Variants in SCHIP1 observed in about 807,000 individuals in gnomAD.
SCHIP1 encodes the protein schwannomin-interacting protein 1.
SCHIP1 carries 8 observed loss-of-function variants against 29.7 expected under a neutral mutation model. The ratio of observed to expected loss-of-function variants is 0.27; its 90% confidence interval spans 0.16 to 0.49. SCHIP1 has a LOEUF of 0.49. Among genes scored for constraint, SCHIP1 ranks in the 20% least tolerant of loss-of-function variants. The probability of loss-of-function intolerance (pLI) is 0.99; values close to 1 mark genes in which losing one functional copy is unlikely to be tolerated. For missense variants in SCHIP1, 193 were observed against 294.6 expected (o/e 0.66, Z 2.52); for synonymous variants, 76 against 94.9 (o/e 0.80, Z 1.16).
At chr3:159,485,064 G>A in the SCHIP1 span, among the ~76,000 whole-genome samples, 1 of 152,080 alleles carries the variant, frequency 6.6e-6, no homozygotes. Flanking sequence ...TTTTCTCTTG[G>A]CCAAACAGAA....
the SCHIP1 span, among the ~76,000 whole-genome samples, chr3:159,560,308 G>T: frequency 1.3e-5 from 2 of 152,198 alleles, no homozygotes; most frequent in Admixed American, 1.3e-4. Flanking sequence ...GGGAAGCTGA[G>T]TAGGGAGTTA....
the SCHIP1 span, among the ~76,000 whole-genome samples, chr3:159,329,479 C>T: frequency 7.2e-5 from 11 of 152,136 alleles, no homozygotes; most frequent in African/African-American, 2.4e-4. Context: ...CCTCAACCTC[C>T]CTCCTCTCCA....
the SCHIP1 span, among the ~76,000 whole-genome samples, chr3:159,669,969 A>G: frequency 6.6e-6 from 1 of 152,146 alleles, no homozygotes; most frequent in East Asian, 1.9e-4. Flanking sequence ...TGTAAGCAAC[A>G]AGCTTCTTGG....
chr3:159,859,805 T>C (rs1432283409), intron 1 of SCHIP1, among the ~76,000 whole-genome samples: 1 of 152,248 alleles, frequency 6.6e-6, no homozygotes, highest in African/African-American at 2.4e-5. Flanking sequence ...AAAGTGCCTA[T>C]GCTAGCATCA....
the SCHIP1 span, among the ~76,000 whole-genome samples, chr3:159,787,215 T>G: frequency 1.3e-5 from 2 of 152,240 alleles, no homozygotes; most frequent in African/African-American, 4.8e-5. Context: ...TAAAATTGAC[T>G]TCAAAGTAGC....
the SCHIP1 span, among the ~76,000 whole-genome samples, chr3:159,348,746 TTTAGG>T: frequency 6.6e-6 from 1 of 152,168 alleles, no homozygotes; most frequent in African/African-American, 2.4e-5. Context: ...ACATAAACTC[TTTAGG>T]TTATTTTCCA....
At chr3:159,447,514 G>T in the SCHIP1 span, among the ~76,000 whole-genome samples, 1 of 152,198 alleles carries the variant, frequency 6.6e-6, no homozygotes, top group East Asian at 1.9e-4. Context: ...CTGCCTGCCA[G>T]ATCCTAGTGT....
the SCHIP1 span, among the ~76,000 whole-genome samples, chr3:159,415,204 C>A: frequency 1.2e-5 from 1 of 84,952 alleles, no homozygotes; most frequent in Admixed American, 1.5e-4. Flanking sequence ...TTAGTTTGGG[C>A]ACTTAATAGC....
At chr3:159,494,514 T>C in the SCHIP1 span, among the ~76,000 whole-genome samples, 1 of 152,176 alleles carries the variant, frequency 6.6e-6, no homozygotes, top group Non-Finnish European at 1.5e-5. Context: ...AAGAAATGGA[T>C]AAATTCCTCG....
the SCHIP1 span, among the ~76,000 whole-genome samples, chr3:159,464,132 A>C: frequency 6.6e-6 from 1 of 152,188 alleles, no homozygotes; most frequent in Non-Finnish European, 1.5e-5. Flanking sequence ...TTCCTGTATC[A>C]GAATTTCTGA....
chr3:159,750,304 C>CAT, the SCHIP1 span, among the ~76,000 whole-genome samples: 1 of 143,476 alleles, frequency 7.0e-6, no homozygotes, highest in African/African-American at 2.7e-5. Context: ...TATACACACA[C>CAT]ACACACACAC....
Position 159,867,874 on chromosome 3 carries a change from CCA to C in SCHIP1, c.149+1594_149+1595del, listed in dbSNP as rs145958438. ...CTCTGCTACTGCTCTCTAATATTTC[CCA>C]GAGTGCCAAAATGTCTTCTTTTAGA... On this transcript the variant is annotated intron_variant, in intron 2 of 6. Coordinates refer to ENST00000445224, the Ensembl canonical transcript of SCHIP1. Among the ~76,000 whole-genome samples, 817 of 151,744 alleles carry C rather than the reference CCA, an allele frequency of 5.4e-3. 11 individuals carry two copies. Among genetic ancestry groups the C allele is most frequent in the African/African-American group, 0.019 (796 of 41,412 alleles).
chr3:159,733,719 T>C, the SCHIP1 span, among the ~76,000 whole-genome samples: 14 of 152,212 alleles, frequency 9.2e-5, no homozygotes, highest in Middle Eastern at 3.2e-3. Context: ...ATCCACTTGT[T>C]AGTGCTTTCT....
the SCHIP1 span, among the ~76,000 whole-genome samples, chr3:159,750,486 G>A: frequency 6.6e-6 from 1 of 151,962 alleles, no homozygotes; most frequent in East Asian, 1.9e-4. Context: ...GGGGATTTGG[G>A]TGCTGATGCT....
At chr3:159,751,865 T>C in the SCHIP1 span, among the ~76,000 whole-genome samples, 166 of 152,274 alleles carry the variant, frequency 1.1e-3, no homozygotes, top group Non-Finnish European at 1.2e-3. Context: ...TCATGTTGAA[T>C]TGTAATTCCC....
At chr3:159,620,157 C>T in the SCHIP1 span, among the ~76,000 whole-genome samples, 1 of 152,172 alleles carries the variant, frequency 6.6e-6, no homozygotes, top group South Asian at 2.1e-4. Context: ...TGTGCTTGCT[C>T]CCTGCCTTGC....
chr3:159,333,952 C>T, the SCHIP1 span, among the ~76,000 whole-genome samples: 1 of 152,080 alleles, frequency 6.6e-6, no homozygotes, highest in Non-Finnish European at 1.5e-5. Context: ...CGATATCTCC[C>T]TGTTGAGCCA....
the SCHIP1 span, among the ~76,000 whole-genome samples, chr3:159,513,151 T>C: frequency 1.3e-5 from 2 of 152,246 alleles, no homozygotes; most frequent in African/African-American, 4.8e-5. Flanking sequence ...CATAATTACA[T>C]TTTTTAAATA....
At chr3:159,505,925 T>A in the SCHIP1 span, among the ~76,000 whole-genome samples, 1 of 152,232 alleles carries the variant, frequency 6.6e-6, no homozygotes, top group East Asian at 1.9e-4. Flanking sequence ...AGTGCCGCAA[T>A]AAACATACGT....
Sources: gnomAD v4.1 joint callset for allele counts (sites outside exome capture counted in the v4.1 genomes callset) on GRCh38, gnomAD v4.1.1 for gene constraint, MANE v1.5 for transcripts, NCBI Gene and HGNC (gene_info 2026-07-23, HGNC 2026-07-21) for gene names.